Variants in PPP1R10 observed in about 807,000 individuals in gnomAD.
The protein encoded by PPP1R10 is protein phosphatase 1 regulatory subunit 10, also known as serine/threonine-protein phosphatase 1 regulatory subunit 10.
A neutral mutation model predicts 99.0 loss-of-function variants in PPP1R10; 15 were observed. That is an observed-to-expected ratio of 0.15 (90% CI 0.10 to 0.23). The LOEUF (loss-of-function observed/expected upper bound fraction) is 0.23. PPP1R10 is among the 10% of genes least tolerant of loss of function. PPP1R10 has a pLI of 1.00. For synonymous variants in PPP1R10, 430 were observed against 449.5 expected, an observed-to-expected ratio of 0.96 and a Z score of 0.55; for missense variants, 947 against 1,259.4, an observed-to-expected ratio of 0.75 and a Z score of 3.75.
intron 5 of PPP1R10, among the ~76,000 whole-genome samples, chr6:30,608,182 A>C (rs1314562057): frequency 6.6e-6 from 1 of 151,674 alleles, no homozygotes; most frequent in Non-Finnish European, 1.5e-5. Flanking sequence ...GTAGAGACAG[A>C]GTTTTATCAT....
intron 2 of PPP1R10, among the ~76,000 whole-genome samples, chr6:30,613,668 A>G (rs775741992): frequency 3.3e-5 from 5 of 152,172 alleles, no homozygotes; most frequent in Non-Finnish European, 7.4e-5. Context: ...CTGGCCACAA[A>G]CTACAAGGAT....
chr6:30,616,808 G>A lies in PPP1R10; in HGVS notation c.-342C>T, dbSNP rs1184522196. ...ACGGTCCTTCGGCCACAGATTTCAA[G>A]TCCCAAGCAGCGTGGGCTGGTGGGG... is the stretch of plus-strand genomic sequence containing the variant. On this transcript the variant is annotated 5_prime_UTR_variant, in exon 2 of 20. Coordinates refer to ENST00000376511, the MANE Select transcript of PPP1R10 (RefSeq NM_002714.4). 1 of 152,226 alleles carries A rather than the reference G, an allele frequency of 6.6e-6. No individual in the cohort carries two copies. The highest frequency in any genetic ancestry group is 1.5e-5 in the Non-Finnish European group (1 of 68,038). 9.4% of individuals were successfully genotyped at this position (152,226 alleles called of 1,614,324 possible).
chr6:30,602,070 C>T lies in PPP1R10; in HGVS notation c.2579G>A (p.Arg860Gln), dbSNP rs770537389. 18 of 1,571,254 alleles carry T rather than the reference C, an allele frequency of 1.1e-5. 1 individual carries two copies. The highest frequency in any genetic ancestry group is 4.5e-5 in the East Asian group (2 of 44,420). ...GPGHGGPHGH[R>Q]PHDVPGHRGH... ...TCGGTGACCAGGGACATCATGAGGCCGGTGGCCATGGGGCCCCCCGTGTCC... is the reference window on the plus strand; with the variant it reads ...TCGGTGACCAGGGACATCATGAGGCTGGTGGCCATGGGGCCCCCCGTGTCC... The change falls in exon 19 of 20, where the codon CGG becomes CAG. Residue 860 changes from arginine (R) to glutamine (Q), a missense_variant. This residue lies in a region of PPP1R10 where 525 missense variants were observed against 578.8 expected (regional missense o/e 0.91). Coordinates refer to ENST00000376511, the MANE Select transcript of PPP1R10 (RefSeq NM_002714.4). This position sits in a 1 kb window ranked among gnomAD's most constrained non-coding sequence, Gnocchi z 6.7.
intron 2 of PPP1R10, among the ~76,000 whole-genome samples, chr6:30,611,403 G>T (rs1804540056): frequency 6.6e-6 from 1 of 152,198 alleles, no homozygotes; most frequent in Non-Finnish European, 1.5e-5. Context: ...GCAAGGAAGA[G>T]GCAAGAACAA....
In PPP1R10 at chr6:30,604,585, T is replaced by C. The variant is rs1803722728; in HGVS notation, c.1102+3A>G. 1 of 1,612,798 alleles carries C rather than the reference T, an allele frequency of 6.2e-7. No homozygotes were observed. The highest frequency in any genetic ancestry group is 8.5e-7 in the Non-Finnish European group (1 of 1,179,988). ...CCCCAAACTGAACCAGTTTCTAGAT[T>C]ACCTGTATCCATGAGCTCCGGGACT... On this transcript the variant is annotated splice_donor_region_variant and intron_variant, in intron 12 of 19. Transcript: ENST00000376511. The surrounding 1 kb of genome is among the most constrained non-coding windows in gnomAD (Gnocchi z 7.3).
At chr6:30,605,893 C>G (rs1322069541) in intron 10 of PPP1R10, 30 bp downstream of exon 10, 2 of 1,404,196 alleles carry the variant, frequency 1.4e-6, no homozygotes, top group Admixed American at 2.0e-5. Context: ...GCTCCTAATT[C>G]AAAGTACATC....
chr6:30,604,896 C>T lies in PPP1R10; in HGVS notation c.954+98G>A, dbSNP rs1561835595. 6.6e-7 allele frequency: 1 copy of T among 1,513,490 alleles called. No homozygotes were observed. The highest frequency in any genetic ancestry group is 9.2e-7 in the Non-Finnish European group (1 of 1,090,998). 93.8% of individuals were successfully genotyped at this position (1,513,490 alleles called of 1,614,324 possible). On this transcript the variant is annotated intron_variant, in intron 11 of 19. Transcript: ENST00000376511. This position sits in a 1 kb window ranked among gnomAD's most constrained non-coding sequence, Gnocchi z 7.3. ...CCAGTCTATATCCAAGGCAAAACGCCTCTTGTTGTCCTCCCCGACAACTCC... is the reference window on the plus strand; with the variant it reads ...CCAGTCTATATCCAAGGCAAAACGCTTCTTGTTGTCCTCCCCGACAACTCC...
Position 30,606,697 on chromosome 6 carries a change from G to A in PPP1R10, c.461-56C>T. ...TTTATTTAGATGAACACTGTCAGAG[G>A]TGAAGCAGACTGGGAGCACCTAAAG... On this transcript the variant is annotated intron_variant, in intron 7 of 19. Transcript: ENST00000376511. The surrounding 1 kb of genome is among the most constrained non-coding windows in gnomAD (Gnocchi z 6.3). 1 of 1,612,562 alleles carries A rather than the reference G, an allele frequency of 6.2e-7. No homozygotes were observed. Among genetic ancestry groups the A allele is most frequent in the Non-Finnish European group, 8.5e-7 (1 of 1,178,590 alleles).
Position 30,609,173 on chromosome 6 carries a change from A to G in PPP1R10, c.108-10T>C. The G allele has an allele frequency of 6.2e-7, 1 of 1,612,872 alleles. No individual in the cohort carries two copies. On this transcript the variant is annotated splice_polypyrimidine_tract_variant and intron_variant, in intron 3 of 19. Transcript: ENST00000376511. This position sits in a 1 kb window ranked among gnomAD's most constrained non-coding sequence, Gnocchi z 4.5. ...TGCTTCCTTCATCAAACTGCAGAAG[A>G]TGAGTTAGGGTTAGAAATGAAGCAG... is the stretch of plus-strand genomic sequence containing the variant.
rs1467081352 is a variant in PPP1R10, at chr6:30,610,373, A to G, written c.-11-418T>C. ...CCTAGTTGCTGATAAATTTGGCTTGAAAAACAGCCTATAGCTTGATAGAAA... is the reference window on the plus strand; with the variant it reads ...CCTAGTTGCTGATAAATTTGGCTTGGAAAACAGCCTATAGCTTGATAGAAA... On this transcript the variant is annotated intron_variant, in intron 2 of 19. Coordinates refer to ENST00000376511, the MANE Select transcript of PPP1R10 (RefSeq NM_002714.4). Among the ~76,000 whole-genome samples, 3 of 152,356 alleles carry G rather than the reference A, an allele frequency of 2.0e-5. No individual in the cohort carries two copies. In the East Asian group the frequency reaches 5.8e-4, roughly 29 times the overall value.
At chr6:30,614,766 A>C (rs1021241250) in intron 2 of PPP1R10, among the ~76,000 whole-genome samples, 2 of 152,002 alleles carry the variant, frequency 1.3e-5, no homozygotes, top group East Asian at 3.9e-4. Flanking sequence ...CTGTTTTTTC[A>C]CCCCTGGCAG....
intron 2 of PPP1R10, among the ~76,000 whole-genome samples, chr6:30,615,429 G>A (rs1048988270): frequency 2.6e-5 from 4 of 152,144 alleles, no homozygotes; most frequent in African/African-American, 9.7e-5. Flanking sequence ...AGAGGGAAAG[G>A]GGGAGGAAGG....
chr6:30,604,146 T>C lies in PPP1R10; in HGVS notation c.1370A>G (p.Glu457Gly), dbSNP rs1803674016. Reference sequence around the variant, plus strand: ...CCGGGGGCACACCCAGGGCACCTTCTCCTCCATGTTATCATGGCTCAGACG... The same window carrying C: ...CCGGGGGCACACCCAGGGCACCTTCCCCTCCATGTTATCATGGCTCAGACG... ...ARRLSHDNME[E>G]KVPWVCPRPL... Residue 457 changes from glutamate to glycine, a missense_variant, in exon 14 of 20, where the codon GAG becomes GGG. Physicochemically the swap from Glu to Gly is moderately conservative, Grantham distance 98. Coordinates refer to ENST00000376511, the MANE Select transcript of PPP1R10 (RefSeq NM_002714.4). This position sits in a 1 kb window ranked among gnomAD's most constrained non-coding sequence, Gnocchi z 7.3. 4 of 1,614,144 alleles carry C rather than the reference T, an allele frequency of 2.5e-6. No individual in the cohort carries two copies. The highest frequency in any genetic ancestry group is 3.4e-6 in the Non-Finnish European group (4 of 1,180,020).
chr6:30,605,970 G>A lies in PPP1R10; in HGVS notation c.806C>T (p.Thr269Ile), dbSNP rs763325947. The A allele has an allele frequency of 2.4e-5, 39 of 1,614,040 alleles. No homozygotes were observed. The highest frequency in any genetic ancestry group is 3.3e-5 in the Non-Finnish European group (39 of 1,179,994). Residue 269 changes from threonine to isoleucine, a missense_variant, in exon 10 of 20, where the codon ACA becomes ATA. This residue lies in a region of PPP1R10 where 39 missense variants were observed against 34.4 expected (regional missense o/e 1.14). Coordinates refer to ENST00000376511, the MANE Select transcript of PPP1R10 (RefSeq NM_002714.4). ...TTTGATCTCTTTGGTGGCATTAGGTGTTGTGTTGAGTGGCTTGTATTTCTT... is the reference window on the plus strand; with the variant it reads ...TTTGATCTCTTTGGTGGCATTAGGTATTGTGTTGAGTGGCTTGTATTTCTT... Reference protein sequence around the residue: ...AEKKYKPLNTTPNATKEIKVK... With the variant: ...AEKKYKPLNTIPNATKEIKVK...
At chr6:30,603,103 C>T in intron 17 of PPP1R10, 107 bp downstream of exon 17, 4 of 1,457,788 alleles carry the variant, frequency 2.7e-6, no homozygotes, top group Non-Finnish European at 3.8e-6. Context: ...CCATTTCTTG[C>T]CTAGTGGCCA....
rs141443669 is a variant in PPP1R10, at chr6:30,601,357, G to A, written c.*192C>T. On this transcript the variant is annotated 3_prime_UTR_variant, in exon 20 of 20. Transcript: ENST00000376511. ...TCCAGTCTCTCTCCTCCCCAGACTG[G>A]AGGAAAATATGTACATCAATGCGCA... The A allele has an allele frequency of 1.7e-6, 1 of 586,806 alleles. No individual in the cohort carries two copies. Among genetic ancestry groups the A allele is most frequent in the East Asian group, 2.8e-5 (1 of 35,582 alleles). The allele number at this position is 586,806 out of a possible 1,614,324, so 36.3% of individuals were successfully genotyped here. A position where few individuals can be genotyped will look rare whatever the true frequency, so the allele number is the denominator to read the frequency against.
At position 30,606,644 on chromosome 6, in the gene PPP1R10, GT is replaced by G; in HGVS notation, c.461-4del. 6 of 1,613,884 alleles carry G rather than the reference GT, an allele frequency of 3.7e-6. No homozygotes were observed. Among genetic ancestry groups the G allele is most frequent in the Non-Finnish European group, 5.1e-6 (6 of 1,179,982 alleles). Reference sequence around the variant, plus strand: ...TTTACGTTTCTTCTTATCTTTCTCTGTTGTGAAAAAACAAAGCAGAAAAGGA... The same window carrying G: ...TTTACGTTTCTTCTTATCTTTCTCTGTGTGAAAAAACAAAGCAGAAAAGGA... On this transcript the variant is annotated splice_polypyrimidine_tract_variant and splice_region_variant and intron_variant, in intron 7 of 19. Transcript: ENST00000376511. The surrounding 1 kb of genome is among the most constrained non-coding windows in gnomAD (Gnocchi z 6.3).
At chr6:30,615,420 G>A (rs972860643) in intron 2 of PPP1R10, among the ~76,000 whole-genome samples, 6 of 152,112 alleles carry the variant, frequency 3.9e-5, no homozygotes, top group Admixed American at 2.6e-4. Context: ...CCTCCCTATA[G>A]AGGGAAAGGG....
rs1803947599 is a variant in PPP1R10, at chr6:30,606,354, T to G, written c.635-111A>C. 2.2e-5 allele frequency: 35 copies of G among 1,567,856 alleles called. No homozygotes were observed. Among genetic ancestry groups the G allele is most frequent in the Non-Finnish European group, 3.0e-5 (35 of 1,147,744 alleles). On this transcript the variant is annotated intron_variant, in intron 8 of 19. Transcript: ENST00000376511. The surrounding 1 kb of genome is among the most constrained non-coding windows in gnomAD (Gnocchi z 6.3). Reference sequence around the variant, plus strand: ...CTAGCCTTGTAACCAAAGCTTCCTCTGCTAGTCTTCCCTCTTCCTTACGAT... The same window carrying G: ...CTAGCCTTGTAACCAAAGCTTCCTCGGCTAGTCTTCCCTCTTCCTTACGAT...
Sources: gnomAD v4.1 joint callset for allele counts (sites outside exome capture counted in the v4.1 genomes callset) on GRCh38, gnomAD v4.1.1 for gene constraint, gnomAD v4.1.1 regional missense constraint, Gnocchi (gnomAD v3.1) non-coding constraint, MANE v1.5 for transcripts, NCBI Gene and HGNC (gene_info 2026-07-23, HGNC 2026-07-21) for gene names.